The following ABL1 variants were observed in gnomAD, a reference collection of about 807,000 sequenced individuals.
ABL1 encodes the protein ABL proto-oncogene 1, non-receptor tyrosine kinase.
A neutral mutation model predicts 94.7 loss-of-function variants in ABL1; 11 were observed. The ratio of observed to expected loss-of-function variants is 0.12; its 90% CI spans 0.07 to 0.19. The LOEUF (loss-of-function observed/expected upper bound fraction) is 0.19. Ranked by LOEUF, ABL1 falls within the 10% of genes least tolerant of loss-of-function variation. The pLI is 1.00. For synonymous variants in ABL1, 656 were observed against 622.4 expected, an observed-to-expected ratio of 1.05 and a Z score of -0.80; for missense variants, 1,082 against 1,489.4, an observed-to-expected ratio of 0.73 and a Z score of 4.50.
At chr9:130,827,914 T>TAAATA (rs1285756169) in intron 1 of ABL1, among the ~76,000 whole-genome samples, 2 of 144,730 alleles carry the variant, frequency 1.4e-5, no homozygotes, top group Non-Finnish European at 3.0e-5. Flanking sequence ...AATAAATAAA[T>TAAATA]AAATAAATAA....
Position 130,884,637 on chromosome 9 carries a change from C to A in ABL1, c.2347C>A (p.Pro783Thr), listed in dbSNP as rs1301987634. ...DQVTRGTVTPPPRLVKKNEEA... is the reference protein window; with the variant it reads ...DQVTRGTVTPTPRLVKKNEEA... ...GGTGACCCGAGGCACAGTAACGCCT[C>A]CCCCCAGGCTGGTGAAAAAGAATGA... Residue 783 changes from proline to threonine, a missense_variant, in exon 11 of 11, where the codon CCC (proline) becomes ACC (threonine). Around this residue, in one of 7 missense-constraint regions of ABL1, gnomAD observed 780 missense variants for 835.8 expected, o/e 0.93. Coordinates refer to ENST00000318560, the MANE Select transcript of ABL1 (RefSeq NM_005157.6). This position sits in a 1 kb window ranked among gnomAD's most constrained non-coding sequence, Gnocchi z 5.6. 1.2e-6 allele frequency: 2 copies of A among 1,613,156 alleles called. No homozygotes were observed. The highest frequency in any genetic ancestry group is 1.1e-5 in the South Asian group (1 of 91,078).
intron 1 of ABL1, among the ~76,000 whole-genome samples, chr9:130,803,254 G>A (rs1830080650): frequency 6.6e-6 from 1 of 152,092 alleles, no homozygotes; most frequent in South Asian, 2.1e-4. Flanking sequence ...TGGCCAGGCT[G>A]GTCACGAACT....
chr9:130,854,311 C>A, intron 2 of ABL1, 74 bp downstream of exon 2: 1 of 1,523,592 alleles, frequency 6.6e-7, no homozygotes, highest in South Asian at 1.2e-5. Context: ...ACCTACCACC[C>A]TTTGCTCGTT....
rs752304600 is a variant in ABL1 at position 130,885,535 on chromosome 9, C to T, written c.3245C>T (p.Ala1082Val). The change falls in exon 11 of 11, where the codon GCC becomes GTC. Residue 1082 changes from alanine to valine, a missense_variant. Physicochemically the swap from Ala to Val is moderately conservative, Grantham distance 64. This residue lies in a region of ABL1 where 780 missense variants were observed against 835.8 expected (regional missense o/e 0.93). Transcript: ENST00000318560. The stretch of plus-strand genomic sequence containing the variant: ...ATCCAGCAAATGAGGAACAAGTTTG[C>T]CTTCCGAGAGGCCATCAACAAACTG... ...DSIQQMRNKF[A>V]FREAINKLEN... is the part of the protein sequence containing the mutation. The T allele has an allele frequency of 6.2e-7, 1 of 1,614,166 alleles. No homozygotes were observed. Among genetic ancestry groups the T allele is most frequent in the Non-Finnish European group, 8.5e-7 (1 of 1,180,048 alleles).
chr9:130,856,298 G>A (rs1033010818), intron 3 of ABL1, among the ~76,000 whole-genome samples: 1 of 152,132 alleles, frequency 6.6e-6, no homozygotes, highest in Non-Finnish European at 1.5e-5. Flanking sequence ...ATGTTGGTCA[G>A]GCTGGTCTCA....
rs908532057 is a variant in ABL1, at chr9:130,884,774, G to A, written c.2484G>A (p.Ser828=). ...GGCAGGTCACCGTGGCCCCTGCCTC[G>A]GGCCTCCCCCACAAGGAAGAAGCTG... The part of the protein sequence containing the change: ...LRRQVTVAPA[S]GLPHKEEAGK... Residue 828 remains serine (S), a synonymous_variant, in exon 11 of 11, where the codon TCG becomes TCA. Transcript: ENST00000318560. The surrounding 1 kb of genome is among the most constrained non-coding windows in gnomAD (Gnocchi z 5.6). 36 of 1,611,266 alleles carry A rather than the reference G, an allele frequency of 2.2e-5. No homozygotes were observed. The highest frequency in any genetic ancestry group is 2.9e-5 in the Non-Finnish European group (34 of 1,179,082).
intron 1 of ABL1, among the ~76,000 whole-genome samples, chr9:130,716,435 T>A (rs1381220784): frequency 1.3e-5 from 2 of 152,050 alleles, no homozygotes; most frequent in Non-Finnish European, 2.9e-5. Flanking sequence ...GCAGCAAAAA[T>A]TATTAATTTT....
Position 130,872,503 on chromosome 9 carries a change from A to G in ABL1, c.907+290A>G, listed in dbSNP as rs903958004. Among the ~76,000 whole-genome samples the G allele has an allele frequency of 9.2e-5, 14 of 152,226 alleles. No homozygotes were observed. Among genetic ancestry groups the G allele is most frequent in the African/African-American group, 3.4e-4 (14 of 41,450 alleles). On this transcript the variant is annotated intron_variant, in intron 5 of 10. Coordinates refer to ENST00000318560, the MANE Select transcript of ABL1 (RefSeq NM_005157.6). The surrounding 1 kb of genome is among the most constrained non-coding windows in gnomAD (Gnocchi z 5.0). ...TTTCTGAAACTTGGGCATTTTCCAG[A>G]GTTTTCTCACTGAAGTGATTCTGTA...
intron 1 of ABL1, among the ~76,000 whole-genome samples, chr9:130,839,914 A>C (rs992359077): frequency 6.6e-6 from 1 of 152,144 alleles, no homozygotes; most frequent in African/African-American, 2.4e-5. Flanking sequence ...TCTGGACCCA[A>C]ATGCCACCTG....
intron 1 of ABL1, among the ~76,000 whole-genome samples, chr9:130,849,019 G>A (rs1194493789): frequency 6.6e-6 from 1 of 151,954 alleles, no homozygotes; most frequent in Non-Finnish European, 1.5e-5. Context: ...ACAGTTTGGT[G>A]AAATTCCTCC....
chr9:130,758,927 C>T (rs564312794), intron 1 of ABL1, among the ~76,000 whole-genome samples: 1 of 152,278 alleles, frequency 6.6e-6, no homozygotes, highest in African/African-American at 2.4e-5. Context: ...GTGGATCACA[C>T]AGGCAGCAGA....
Position 130,854,119 on chromosome 9 carries a change from C to G in ABL1, c.135C>G (p.Ala45=). 7 of 1,614,146 alleles carry G rather than the reference C, an allele frequency of 4.3e-6. No individual in the cohort carries two copies. The highest frequency in any genetic ancestry group is 5.9e-6 in the Non-Finnish European group (7 of 1,180,030). The part of the protein sequence containing the change: ...SDFEPQGLSE[A]ARWNSKENLL... ...TTGAGCCTCAGGGTCTGAGTGAAGC[C>G]GCTCGTTGGAACTCCAAGGAAAACC... Residue 45 remains alanine (A), a synonymous_variant, in exon 2 of 11, where the codon GCC becomes GCG. Coordinates refer to ENST00000318560, the MANE Select transcript of ABL1 (RefSeq NM_005157.6).
chr9:130,877,898 C>T (rs1831377785), intron 7 of ABL1, among the ~76,000 whole-genome samples: 1 of 151,526 alleles, frequency 6.6e-6, no homozygotes, highest in South Asian at 2.1e-4. Flanking sequence ...CTGCAAGCTC[C>T]ACCTCCTGGG....
intron 1 of ABL1, among the ~76,000 whole-genome samples, chr9:130,743,492 C>G (rs577071176): frequency 6.6e-6 from 1 of 152,210 alleles, no homozygotes; most frequent in East Asian, 1.9e-4. Flanking sequence ...GTCCTAAGGT[C>G]TCTCTCTTGA....
chr9:130,719,640 A>G (rs1470593490), intron 1 of ABL1, among the ~76,000 whole-genome samples: 1 of 152,240 alleles, frequency 6.6e-6, no homozygotes, highest in Non-Finnish European at 1.5e-5. Context: ...GTCTGAAGAC[A>G]AACCAATTTC....
chr9:130,726,586 T>A (rs1327081204), intron 1 of ABL1, among the ~76,000 whole-genome samples: 4 of 152,222 alleles, frequency 2.6e-5, no homozygotes, highest in African/African-American at 9.6e-5. Flanking sequence ...GTTAACTTTC[T>A]CAATTGTTTT....
chr9:130,714,585 ATC>A, intron 1 of ABL1: 4 of 1,233,414 alleles, frequency 3.2e-6, no homozygotes, highest in Admixed American at 3.4e-5. Flanking sequence ...TACTGTAGTT[ATC>A]TCTTAGTGGA....
Position 130,814,332 on chromosome 9 carries a change from A to T in ABL1, c.137-39732A>T, listed in dbSNP as rs1289908519. ...AGAAAAAGAAAAGGCCAGTCTGGAA[A>T]TCAATGAAACAGAAAACCAGTACAG... is the stretch of plus-strand genomic sequence containing the variant. On this transcript the variant is annotated intron_variant, in intron 1 of 10. Coordinates refer to the ABL1 transcript ENST00000372348. The surrounding 1 kb of genome is among the most constrained non-coding windows in gnomAD (Gnocchi z 4.4). 1.3e-5 allele frequency among the ~76,000 whole-genome samples: 2 copies of T among 152,192 alleles called. No homozygotes were observed. The highest frequency in any genetic ancestry group is 3.9e-4 in the East Asian group (2 of 5,192).
intron 1 of ABL1, among the ~76,000 whole-genome samples, chr9:130,828,638 C>T (rs1369144281): frequency 6.6e-6 from 1 of 151,884 alleles, no homozygotes; most frequent in East Asian, 1.9e-4. Context: ...ACCCAGGAGG[C>T]AGAAGTTGTA....
Sources: allele counts gnomAD v4.1 joint callset (sites outside exome capture counted in the v4.1 genomes callset), GRCh38; gene constraint gnomAD v4.1.1; regional missense constraint gnomAD v4.1.1; non-coding constraint Gnocchi (gnomAD v3.1); transcripts MANE v1.5; gene names NCBI Gene and HGNC (gene_info 2026-07-23, HGNC 2026-07-21).